The following USP7 variants were observed in gnomAD, a reference collection of about 807,000 sequenced individuals.
USP7 encodes the protein ubiquitin specific peptidase 7, also known as ubiquitin C-terminal hydrolase 7.
Under a neutral mutation model 162.9 loss-of-function variants are expected in USP7, and 9 were observed. That is an observed-to-expected ratio of 0.06 (90% confidence interval 0.03 to 0.10). The LOEUF (loss-of-function observed/expected upper bound fraction) is 0.10. Among genes scored for constraint, USP7 ranks in the 10% least tolerant of loss-of-function variants. The pLI is 1.00. For missense variants in USP7, 715 were observed against 1,373.7 expected, an observed-to-expected ratio of 0.52 and a Z score of 7.58; for synonymous variants, 562 against 475.9, an observed-to-expected ratio of 1.18 and a Z score of -2.35.
intron 1 of USP7, among the ~76,000 whole-genome samples, chr16:8,961,504 A>AGGG (rs71155425): frequency 0.011 from 653 of 60,342 alleles, 32 homozygotes; most frequent in Non-Finnish European, 0.015. Context: ...AAAAAAAAAA[A>AGGG]GGGGGGGGGG....
chr16:8,896,504 C>T (rs2061683468), intron 26 of USP7, among the ~76,000 whole-genome samples: 1 of 152,070 alleles, frequency 6.6e-6, no homozygotes, highest in Admixed American at 6.6e-5. Context: ...AGAATCATGC[C>T]CATCTCTCTG....
intron 1 of USP7, among the ~76,000 whole-genome samples, chr16:8,932,041 C>T (rs923601202): frequency 1.3e-5 from 2 of 152,148 alleles, no homozygotes; most frequent in East Asian, 1.9e-4. Context: ...TTCAGCACCA[C>T]GGACAGTGCC....
chr16:8,953,158 T>C (rs1169245455), intron 1 of USP7, among the ~76,000 whole-genome samples: 1 of 152,088 alleles, frequency 6.6e-6, no homozygotes, highest in African/African-American at 2.4e-5. Context: ...CACACTCAGC[T>C]GTGTCGCCTT....
At chr16:8,905,415 T>C in intron 13 of USP7, 84 bp from the exon 14 acceptor site, 1 of 1,542,658 alleles carries the variant, frequency 6.5e-7, no homozygotes, top group Non-Finnish European at 8.9e-7. Flanking sequence ...TTCTAAAATG[T>C]GTGAACTTCT....
At chr16:8,911,337 G>A (rs536976426) in intron 10 of USP7, among the ~76,000 whole-genome samples, 4 of 152,122 alleles carry the variant, frequency 2.6e-5, no homozygotes, top group Admixed American at 6.5e-5. Flanking sequence ...ATAGTAAAAC[G>A]TAACAATTTT....
intron 8 of USP7, among the ~76,000 whole-genome samples, chr16:8,916,106 C>A (rs775707938): frequency 6.6e-6 from 1 of 152,132 alleles, no homozygotes; most frequent in Non-Finnish European, 1.5e-5. Flanking sequence ...GAGGTCTGCT[C>A]AATGAGAACC....
chr16:8,909,698 C>G (rs1054900406), intron 11 of USP7, among the ~76,000 whole-genome samples: 4 of 152,172 alleles, frequency 2.6e-5, no homozygotes, highest in Non-Finnish European at 5.9e-5. Context: ...GAGGCCGAGG[C>G]AGGCGGATCA....
chr16:8,932,525 C>T (rs1898419012), intron 1 of USP7, among the ~76,000 whole-genome samples: 1 of 152,186 alleles, frequency 6.6e-6, no homozygotes, highest in African/African-American at 2.4e-5. Flanking sequence ...CTCAGATGTA[C>T]ACTCAAGACA....
intron 2 of USP7, among the ~76,000 whole-genome samples, chr16:8,929,764 G>A (rs1045414870): frequency 3.3e-5 from 5 of 152,200 alleles, no homozygotes; most frequent in African/African-American, 1.2e-4. Context: ...AAATGTCCAT[G>A]CACATACATA....
At chr16:8,914,161 A>G (rs2141198208) in intron 10 of USP7, among the ~76,000 whole-genome samples, 1 of 152,236 alleles carries the variant, frequency 6.6e-6, no homozygotes, top group South Asian at 2.1e-4. Context: ...AGACATCCAA[A>G]TTGCCAATAA....
intron 10 of USP7, among the ~76,000 whole-genome samples, chr16:8,913,424 G>A (rs1440696779): frequency 6.6e-6 from 1 of 151,950 alleles, no homozygotes; most frequent in African/African-American, 2.4e-5. Flanking sequence ...AGAATATGGG[G>A]GCTTGGGGCA....
At chr16:8,898,917 C>G (rs895851500) in intron 23 of USP7, among the ~76,000 whole-genome samples, 1 of 152,214 alleles carries the variant, frequency 6.6e-6, no homozygotes, top group Non-Finnish European at 1.5e-5. Flanking sequence ...TAAAGTCAGT[C>G]TGGCTTTGGA....
chr16:8,894,455 T>C (rs1596345880), intron 30 of USP7, 95 bp downstream of exon 30: 2 of 1,257,896 alleles, frequency 1.6e-6, no homozygotes, highest in Non-Finnish European at 2.2e-6. Context: ...AGAGAGGAGC[T>C]GGCACTTGAC....
At chr16:8,923,831 C>T (rs918837510) in intron 2 of USP7, among the ~76,000 whole-genome samples, 1 of 152,184 alleles carries the variant, frequency 6.6e-6, no homozygotes, top group Non-Finnish European at 1.5e-5. Flanking sequence ...GCTGACTTTA[C>T]AGAGCACGGA....
chr16:8,925,587 C>T (rs975071654), intron 2 of USP7, among the ~76,000 whole-genome samples: 1 of 152,172 alleles, frequency 6.6e-6, no homozygotes, highest in Non-Finnish European at 1.5e-5. Context: ...AATGGTGAGA[C>T]TCAGAATTGA....
chr16:8,930,826 G>C (rs1187303793), intron 1 of USP7, among the ~76,000 whole-genome samples: 1 of 152,146 alleles, frequency 6.6e-6, no homozygotes, highest in Admixed American at 6.6e-5. Flanking sequence ...AAAATTAGCT[G>C]GGTGTGGTGG....
chr16:8,894,475 GCCCCTCC>G, intron 30 of USP7, 68 bp downstream of exon 30: 1 of 1,481,210 alleles, frequency 6.8e-7, no homozygotes, highest in Non-Finnish European at 9.2e-7. Context: ...CCCTGGGGCT[GCCCCTCC>G]CAGCCCCAGA....
chr16:8,897,442 T>A (rs924429677), intron 25 of USP7, among the ~76,000 whole-genome samples: 2 of 152,040 alleles, frequency 1.3e-5, no homozygotes, highest in Non-Finnish European at 2.9e-5. Flanking sequence ...CTGGTCCAGA[T>A]ACAAGACCAG....
chr16:8,914,434 G>A (rs919127859), intron 10 of USP7, among the ~76,000 whole-genome samples: 5 of 150,682 alleles, frequency 3.3e-5, no homozygotes, highest in African/African-American at 1.0e-4. Context: ...ATGCAAACAG[G>A]CATTAAGAAT....
Sources: allele counts gnomAD v4.1 joint callset (sites outside exome capture counted in the v4.1 genomes callset), GRCh38; gene constraint gnomAD v4.1.1; transcripts MANE v1.5; gene names NCBI Gene and HGNC (gene_info 2026-07-23, HGNC 2026-07-21).